Variants in AIDA observed in about 807,000 individuals in gnomAD.
AIDA encodes axin interactor, dorsalization associated.
A neutral mutation model predicts 42.7 loss-of-function variants in AIDA; 18 were observed. That is an observed-to-expected ratio of 0.42 (90% CI 0.29 to 0.63). The LOEUF (loss-of-function observed/expected upper bound fraction) is 0.63. Among genes scored for constraint, AIDA ranks in the 20% least tolerant of loss-of-function variants. The probability of loss-of-function intolerance (pLI) is 0.19; values close to 1 mark genes in which losing one functional copy is unlikely to be tolerated. For synonymous variants in AIDA, 104 were observed against 122.9 expected, an observed-to-expected ratio of 0.85 and a Z score of 1.02; for missense variants, 250 against 354.1, an observed-to-expected ratio of 0.71 and a Z score of 2.36.
At chr1:222,702,173 GC>G (rs1369629315) in intron 2 of AIDA, among the ~76,000 whole-genome samples, 1 of 152,070 alleles carries the variant, frequency 6.6e-6, no homozygotes, top group Admixed American at 6.5e-5. Context: ...ATCTTTAGGG[GC>G]TTCTTCTTCC....
At chr1:222,687,774 C>A in intron 4 of AIDA, 116 bp from the exon 5 acceptor site, 1 of 785,612 alleles carries the variant, frequency 1.3e-6, no homozygotes, top group Non-Finnish European at 1.8e-6. Context: ...TATAAATTCC[C>A]AGCCTTACCA....
intron 2 of AIDA, among the ~76,000 whole-genome samples, chr1:222,700,672 G>A (rs913520392): frequency 1.3e-5 from 2 of 151,512 alleles, no homozygotes; most frequent in African/African-American, 2.4e-5. Flanking sequence ...GGAGAATGGC[G>A]TGAACCCGGG....
intron 2 of AIDA, among the ~76,000 whole-genome samples, chr1:222,702,740 C>G (rs1165617327): frequency 6.6e-6 from 1 of 152,186 alleles, no homozygotes; most frequent in Non-Finnish European, 1.5e-5. Context: ...TAGGAAAGTT[C>G]AGAATCAAGT....
intron 6 of AIDA, among the ~76,000 whole-genome samples, chr1:222,681,050 A>C (rs1664644366): frequency 6.6e-6 from 1 of 152,178 alleles, no homozygotes; most frequent in African/African-American, 2.4e-5. Flanking sequence ...ATTGAGTCTA[A>C]AAATTTTACC....
intron 6 of AIDA, among the ~76,000 whole-genome samples, chr1:222,682,262 T>C (rs1024151498): frequency 6.6e-6 from 1 of 152,236 alleles, no homozygotes; most frequent in Non-Finnish European, 1.5e-5. Context: ...ATGGTCTTTG[T>C]TCTAAAATAG....
intron 8 of AIDA, 75 bp from the exon 9 acceptor site, chr1:222,670,325 C>T (rs1429399131): frequency 1.7e-6 from 2 of 1,210,684 alleles, no homozygotes; most frequent in Admixed American, 2.0e-5. Context: ...CTTTGATCAC[C>T]AGAAGCATAT....
At chr1:222,697,948 T>C (rs576925989) in intron 2 of AIDA, among the ~76,000 whole-genome samples, 1 of 151,996 alleles carries the variant, frequency 6.6e-6, no homozygotes, top group Non-Finnish European at 1.5e-5. Context: ...ACCACCAAAT[T>C]TGACTCAAGA....
chr1:222,693,968 A>G, intron 3 of AIDA, 125 bp from the exon 4 acceptor site: 1 of 965,440 alleles, frequency 1.0e-6, no homozygotes, highest in South Asian at 1.9e-5. Context: ...AGAAAATGAA[A>G]AGTCCCAAAC....
rs757804200 is a variant in AIDA at position 222,687,678 on chromosome 1, A to G, written c.290-20T>C. The G allele has an allele frequency of 6.9e-7, 1 of 1,442,524 alleles. No homozygotes were observed. Among genetic ancestry groups the G allele is most frequent in the Non-Finnish European group, 9.4e-7 (1 of 1,069,074 alleles). The allele number at this position is 1,442,524 out of a possible 1,614,324, so 89.4% of individuals were successfully genotyped here. A position where few individuals can be genotyped will look rare whatever the true frequency, so the allele number is the denominator to read the frequency against. ...TTAGGACTAGAATAAGAAGATAAAG[A>G]AACATGAATTCTTCCATGAAGCAAA... On this transcript the variant is annotated intron_variant, in intron 4 of 9. Transcript: ENST00000340020.
intron 1 of AIDA, among the ~76,000 whole-genome samples, chr1:222,708,916 A>C (rs1450642542): frequency 2.6e-5 from 4 of 152,222 alleles, no homozygotes; most frequent in Non-Finnish European, 5.9e-5. Context: ...ATGCTCCCAT[A>C]GCATACTCCT....
At chr1:222,706,124 G>A (rs1655832062) in intron 1 of AIDA, among the ~76,000 whole-genome samples, 3 of 152,192 alleles carry the variant, frequency 2.0e-5, no homozygotes, top group South Asian at 2.1e-4. Context: ...ACCACAGTGA[G>A]GTATGTATTA....
At chr1:222,704,305 C>T (rs1204553131) in intron 1 of AIDA, among the ~76,000 whole-genome samples, 1 of 151,970 alleles carries the variant, frequency 6.6e-6, no homozygotes, top group African/African-American at 2.4e-5. Context: ...ACTGTATGAC[C>T]CAGCAATTTC....
At chr1:222,687,266 C>A (rs977730753) in intron 5 of AIDA, among the ~76,000 whole-genome samples, 1 of 151,924 alleles carries the variant, frequency 6.6e-6, no homozygotes, top group African/African-American at 2.4e-5. Flanking sequence ...CCCGTCTCTA[C>A]TAAAATACAA....
Position 222,709,465 on chromosome 1 carries a change from T to C in AIDA, c.110+2743A>G, listed in dbSNP as rs1351357530. On this transcript the variant is annotated intron_variant, in intron 1 of 9. Transcript: ENST00000340020. Reference sequence around the variant, plus strand: ...AAAACAAACAAAAAAAGAAAATATATTTTTGATTGTGGTAAGTACCATGGA... The same window carrying C: ...AAAACAAACAAAAAAAGAAAATATACTTTTGATTGTGGTAAGTACCATGGA... Among the ~76,000 whole-genome samples the C allele has an allele frequency of 2.6e-5, 4 of 152,130 alleles. No homozygotes were observed. In the East Asian group the frequency reaches 7.7e-4, roughly 29 times the overall value.
At chr1:222,703,109 G>A in intron 2 of AIDA, 39 bp downstream of exon 2, 1 of 1,502,700 alleles carries the variant, frequency 6.7e-7, no homozygotes, top group Non-Finnish European at 9.0e-7. Flanking sequence ...AACACTTTTT[G>A]TTTGGAATCT....
chr1:222,681,390 A>G (rs939679383), intron 6 of AIDA, among the ~76,000 whole-genome samples: 1 of 152,218 alleles, frequency 6.6e-6, no homozygotes, highest in African/African-American at 2.4e-5. Flanking sequence ...TTGGCCGGGC[A>G]TGGTGGCTTA....
chr1:222,676,268 C>T (rs760924314), intron 6 of AIDA, 50 bp from the exon 7 acceptor site: 7 of 1,553,768 alleles, frequency 4.5e-6, no homozygotes, highest in Middle Eastern at 1.7e-4. Context: ...TCACAGTAAA[C>T]ATTTTAATGA....
intron 6 of AIDA, among the ~76,000 whole-genome samples, chr1:222,680,712 TAAGTA>T (rs1664638151): frequency 6.6e-6 from 1 of 151,744 alleles, no homozygotes. Context: ...CAACCATTGA[TAAGTA>T]AAGACACCGA....
Position 222,670,128 on chromosome 1 carries a change from C to T in AIDA, c.824+5G>A. Reference sequence around the variant, plus strand: ...TAGTACTAATTCTATATGCACATCACTTACAGTTCTATTACAATTGGCCCA... The same window carrying T: ...TAGTACTAATTCTATATGCACATCATTTACAGTTCTATTACAATTGGCCCA... On this transcript the variant is annotated splice_donor_5th_base_variant and intron_variant, in intron 9 of 9. Coordinates refer to ENST00000340020, the MANE Select transcript of AIDA (RefSeq NM_022831.4). 2 of 1,613,384 alleles carry T rather than the reference C, an allele frequency of 1.2e-6. No homozygotes were observed. Among genetic ancestry groups the T allele is most frequent in the Non-Finnish European group, 1.7e-6 (2 of 1,179,398 alleles).
Sources: allele counts gnomAD v4.1 joint callset (sites outside exome capture counted in the v4.1 genomes callset), GRCh38; gene constraint gnomAD v4.1.1; transcripts MANE v1.5; gene names NCBI Gene and HGNC (gene_info 2026-07-23, HGNC 2026-07-21).